HS6ST3: variants seen among roughly 807,000 people sequenced by gnomAD.
HS6ST3 encodes heparan sulfate 6-O-sulfotransferase 3, also known as heparan-sulfate 6-O-sulfotransferase 3.
In HS6ST3, 12 loss-of-function variants were observed where a neutral mutation model predicts 36.7. The ratio of observed to expected loss-of-function variants is 0.33; its 90% CI spans 0.21 to 0.53. HS6ST3 has a LOEUF of 0.53. Ranked by LOEUF, HS6ST3 falls within the 20% of genes least tolerant of loss-of-function variation. The probability of loss-of-function intolerance (pLI) is 0.95; values close to 1 mark genes in which losing one functional copy is unlikely to be tolerated. For synonymous variants in HS6ST3, 240 were observed against 257.5 expected, an observed-to-expected ratio of 0.93 and a Z score of 0.65; for missense variants, 584 against 640.9, an observed-to-expected ratio of 0.91 and a Z score of 0.96.
At chr13:96,723,620 T>A (rs1314456733) in intron 1 of HS6ST3, among the ~76,000 whole-genome samples, 1 of 152,228 alleles carries the variant, frequency 6.6e-6, no homozygotes, top group Non-Finnish European at 1.5e-5. Context: ...CTCTTTGCAG[T>A]TCTTCTGAAC....
chr13:96,462,321 T>C (rs969188082), intron 1 of HS6ST3, among the ~76,000 whole-genome samples: 1 of 152,176 alleles, frequency 6.6e-6, no homozygotes, highest in Admixed American at 6.6e-5. Context: ...TCCTCCTACC[T>C]CAGCCTCCCA....
At chr13:96,627,633 ACT>A (rs751634105) in intron 1 of HS6ST3, among the ~76,000 whole-genome samples, 23 of 150,764 alleles carry the variant, frequency 1.5e-4, no homozygotes, top group Admixed American at 1.3e-4. Flanking sequence ...TAATAGTAAG[ACT>A]CTCTATGTAA....
chr13:96,302,704 A>G (rs1052343239), intron 1 of HS6ST3, among the ~76,000 whole-genome samples: 11 of 152,104 alleles, frequency 7.2e-5, no homozygotes, highest in African/African-American at 2.7e-4. Flanking sequence ...TCTTCAATAA[A>G]ATATTGTTTA....
chr13:96,587,110 G>A (rs1471776474), intron 1 of HS6ST3, among the ~76,000 whole-genome samples: 4 of 152,024 alleles, frequency 2.6e-5, no homozygotes, highest in Non-Finnish European at 5.9e-5. Context: ...GTAAATGTAA[G>A]GATTTATTCC....
Position 96,158,639 on chromosome 13 carries a change from C to T in HS6ST3, c.707+67070C>T, listed in dbSNP as rs1275272522. 7.5e-5 allele frequency among the ~76,000 whole-genome samples: 8 copies of T among 107,030 alleles called. No individual in the cohort carries two copies. In the East Asian group the frequency reaches 1.4e-3, roughly 19 times the overall value. The allele number at this position is 107,030 out of a possible 152,430, so 70.2% of individuals were successfully genotyped here. On this transcript the variant is annotated intron_variant, in intron 1 of 1. Transcript: ENST00000376705. ...TTGTGCTCCAGCCTGGGAGACAGAG[C>T]GAGACTCCGTCTCAAAAAAAAAAAA...
chr13:96,097,522 T>C (rs1013978791), intron 1 of HS6ST3, among the ~76,000 whole-genome samples: 1 of 152,196 alleles, frequency 6.6e-6, no homozygotes, highest in Non-Finnish European at 1.5e-5. Flanking sequence ...TAATCACTTA[T>C]CTTGTTTTTG....
intron 1 of HS6ST3, among the ~76,000 whole-genome samples, chr13:96,107,665 A>C (rs1227850394): frequency 2.6e-5 from 4 of 152,240 alleles, no homozygotes; most frequent in African/African-American, 9.6e-5. Context: ...AAATAGAGGG[A>C]CTGGCTGAAG....
intron 1 of HS6ST3, among the ~76,000 whole-genome samples, chr13:96,351,815 G>T (rs531005779): frequency 6.6e-6 from 1 of 152,242 alleles, no homozygotes; most frequent in Admixed American, 6.5e-5. Context: ...TGGTATGATT[G>T]CCCATCTGAA....
intron 1 of HS6ST3, among the ~76,000 whole-genome samples, chr13:96,129,365 T>C (rs570977194): frequency 1.3e-5 from 2 of 152,318 alleles, no homozygotes; most frequent in South Asian, 4.1e-4. Context: ...CTGATAACTG[T>C]ATTAAGGCAT....
chr13:96,488,722 A>G (rs2055928662), intron 1 of HS6ST3, among the ~76,000 whole-genome samples: 2 of 152,110 alleles, frequency 1.3e-5, no homozygotes, highest in Non-Finnish European at 2.9e-5. Flanking sequence ...TGCCATCTGC[A>G]TGATAGTTTT....
intron 1 of HS6ST3, among the ~76,000 whole-genome samples, chr13:96,755,227 A>G (rs1876796876): frequency 6.6e-6 from 1 of 152,138 alleles, no homozygotes; most frequent in African/African-American, 2.4e-5. Context: ...TTATCTATTC[A>G]TGAATATAAT....
chr13:96,229,788 C>T lies in HS6ST3; in HGVS notation c.707+138219C>T, dbSNP rs564289072. On this transcript the variant is annotated intron_variant, in intron 1 of 1. Coordinates refer to ENST00000376705, the MANE Select transcript of HS6ST3 (RefSeq NM_153456.4). ...TCACTATCTCAGGGGGAGACCCCCC[C>T]CTTTAGGCTCTTAGTATTACAGAGT... Among the ~76,000 whole-genome samples, 3 of 152,284 alleles carry T rather than the reference C, an allele frequency of 2.0e-5. No homozygotes were observed. The South Asian group carries it at 6.2e-4, about 32-fold the overall frequency.
At chr13:96,699,393 C>A (rs1303691183) in intron 1 of HS6ST3, among the ~76,000 whole-genome samples, 1 of 152,056 alleles carries the variant, frequency 6.6e-6, no homozygotes, top group Non-Finnish European at 1.5e-5. Context: ...TGAACTCAAA[C>A]AAATTTACAA....
intron 1 of HS6ST3, among the ~76,000 whole-genome samples, chr13:96,607,282 A>C (rs1403269561): frequency 6.6e-6 from 1 of 152,256 alleles, no homozygotes; most frequent in African/African-American, 2.4e-5. Flanking sequence ...TTTATACCAA[A>C]ATAAAATGAA....
At chr13:96,652,591 A>G (rs1319099387) in intron 1 of HS6ST3, among the ~76,000 whole-genome samples, 1 of 152,122 alleles carries the variant, frequency 6.6e-6, no homozygotes, top group African/African-American at 2.4e-5. Flanking sequence ...GTTGATATAC[A>G]GCCCTATGAT....
At chr13:96,284,619 T>A (rs2054791440) in intron 1 of HS6ST3, among the ~76,000 whole-genome samples, 1 of 152,188 alleles carries the variant, frequency 6.6e-6, no homozygotes, top group Non-Finnish European at 1.5e-5. Context: ...TAGTCTCCTT[T>A]GGCAACACCT....
At chr13:96,541,128 G>T (rs1463892819) in intron 1 of HS6ST3, among the ~76,000 whole-genome samples, 1 of 152,146 alleles carries the variant, frequency 6.6e-6, no homozygotes, top group Non-Finnish European at 1.5e-5. Context: ...TGCCTCCCGG[G>T]TTCAAGTGAT....
At chr13:96,354,735 T>G (rs2055201273) in intron 1 of HS6ST3, among the ~76,000 whole-genome samples, 1 of 152,136 alleles carries the variant, frequency 6.6e-6, no homozygotes. Flanking sequence ...AGATTCTGTT[T>G]AATCTTCAAC....
rs114851017 is a variant in HS6ST3 at position 96,555,538 on chromosome 13, A to G, written c.708-276952A>G. Among the ~76,000 whole-genome samples the G allele has an allele frequency of 3.4e-3, 517 of 152,302 alleles. 2 individuals carry two copies. The highest frequency in any genetic ancestry group is 0.012 in the African/African-American group (505 of 41,572). On this transcript the variant is annotated intron_variant, in intron 1 of 1. Coordinates refer to ENST00000376705, the MANE Select transcript of HS6ST3 (RefSeq NM_153456.4). ...CTTACTGCAGAGCTCACTAAGGCTT[A>G]ATGATGGAAAACCTACAGCGACATT...
Sources: allele counts gnomAD v4.1 joint callset (sites outside exome capture counted in the v4.1 genomes callset), GRCh38; gene constraint gnomAD v4.1.1; transcripts MANE v1.5; gene names NCBI Gene and HGNC (gene_info 2026-07-23, HGNC 2026-07-21).